The following USP34 variants were observed in gnomAD, a reference collection of about 807,000 sequenced individuals.
The protein encoded by USP34 is ubiquitin specific peptidase 34, also known as ubiquitin carboxyl-terminal hydrolase 34.
In USP34, 70 loss-of-function variants were observed where a neutral mutation model predicts 460.3. That is an observed-to-expected ratio of 0.15 (90% CI 0.13 to 0.19). The LOEUF (loss-of-function observed/expected upper bound fraction) is 0.19. Ranked by LOEUF, USP34 falls within the 10% of genes least tolerant of loss-of-function variation. The pLI, the probability that USP34 is intolerant of heterozygous loss-of-function variation, is 1.00. For missense variants in USP34, 3,985 were observed against 4,236.2 expected (o/e 0.94, Z 1.65); for synonymous variants, 1,647 against 1,405.3 (o/e 1.17, Z -3.85).
intron 34 of USP34, among the ~76,000 whole-genome samples, chr2:61,287,801 G>A (rs1037343522): frequency 6.6e-6 from 1 of 152,092 alleles, no homozygotes; most frequent in Non-Finnish European, 1.5e-5. Flanking sequence ...AAGTTCTAGG[G>A]GAGTCAAAAG....
chr2:61,198,872 T>C (rs571945439), intron 75 of USP34, among the ~76,000 whole-genome samples: 9 of 152,072 alleles, frequency 5.9e-5, no homozygotes, highest in South Asian at 2.1e-4. Context: ...CTGTCTCAAA[T>C]TGTTTGCTTT....
rs547690935 is a variant in USP34, at chr2:61,188,595, G to C, written c.10148C>G (p.Thr3383Arg). Residue 3383 changes from threonine (T) to arginine (R), a missense_variant, in exon 80 of 80, where the codon ACG becomes AGG. Thr to Arg is a moderately conservative substitution (Grantham distance 71, BLOSUM62 -1). Coordinates refer to ENST00000398571, the MANE Select transcript of USP34 (RefSeq NM_014709.4). ...KTETREVLTP[T>R]STSDNETRDS... is the part of the protein sequence containing the mutation. ...TCTGGTCTCATTGTCAGAAGTGCTC[G>C]TTGGGGTCAGGACCTCCCTGGTTTC... 2.5e-6 allele frequency: 4 copies of C among 1,614,136 alleles called. No individual in the cohort carries two copies. Among genetic ancestry groups the C allele is most frequent in the East Asian group, 2.2e-5 (1 of 44,888 alleles).
intron 2 of USP34, among the ~76,000 whole-genome samples, chr2:61,407,287 GAGGCTTGAGCCC>G (rs1693903151): frequency 6.6e-6 from 1 of 150,676 alleles, no homozygotes; most frequent in Non-Finnish European, 1.5e-5. Flanking sequence ...AGCTATTCGA[GAGGCTTGAGCCC>G]AGGAGGCTGA....
chr2:61,224,049 G>A (rs148365270), intron 62 of USP34, among the ~76,000 whole-genome samples: 1,532 of 152,116 alleles, frequency 0.01, 14 homozygotes, highest in South Asian at 0.027. Flanking sequence ...AAACAACCAC[G>A]GTACCATTAT....
intron 33 of USP34, among the ~76,000 whole-genome samples, chr2:61,291,728 T>C (rs983554992): frequency 6.6e-5 from 10 of 152,148 alleles, no homozygotes; most frequent in Admixed American, 2.0e-4. Flanking sequence ...CACTTAAGTA[T>C]TGGCAAGGTA....
At chr2:61,219,635 C>T (rs1162965900) in intron 67 of USP34, among the ~76,000 whole-genome samples, 2 of 148,202 alleles carry the variant, frequency 1.3e-5, no homozygotes, top group East Asian at 3.9e-4. Flanking sequence ...TGCACCACTG[C>T]ACTCCAGCCT....
chr2:61,333,725 A>T (rs1443658794), intron 19 of USP34, among the ~76,000 whole-genome samples, 157 bp downstream of exon 19: 1 of 152,124 alleles, frequency 6.6e-6, no homozygotes, highest in Non-Finnish European at 1.5e-5. Context: ...TATAATCTCT[A>T]CAGGGGTAAG....
intron 30 of USP34, 56 bp downstream of exon 30, chr2:61,296,744 T>C: frequency 6.4e-7 from 1 of 1,559,726 alleles, no homozygotes; most frequent in Non-Finnish European, 8.7e-7. Flanking sequence ...ACACTGTCAA[T>C]AGGAATGTAA....
At position 61,393,320 on chromosome 2, in the gene USP34, A is replaced by G. The variant is rs183094291; in HGVS notation, c.753+1533T>C. Among the ~76,000 whole-genome samples, 29 of 151,436 alleles carry G rather than the reference A, an allele frequency of 1.9e-4. No homozygotes were observed. The East Asian group carries it at 5.4e-3, about 28-fold the overall frequency. ...GTGGCATACGCCTGTAGTCCCAACTACTCGGGAGGCTGAGGCAGGAGAATC... is the reference window on the plus strand; with the variant it reads ...GTGGCATACGCCTGTAGTCCCAACTGCTCGGGAGGCTGAGGCAGGAGAATC... On this transcript the variant is annotated intron_variant, in intron 5 of 79. Transcript: ENST00000398571.
chr2:61,190,929 A>T (rs1395874162), intron 76 of USP34: 1 of 308,560 alleles, frequency 3.2e-6, no homozygotes, highest in African/African-American at 2.2e-5. Flanking sequence ...AAAGAAATGC[A>T]GGTTTATTAT....
chr2:61,355,922 C>T lies in USP34; in HGVS notation c.1252-5229G>A, dbSNP rs868088899. On this transcript the variant is annotated intron_variant, in intron 10 of 79. Coordinates refer to ENST00000398571, the MANE Select transcript of USP34 (RefSeq NM_014709.4). ...TGAAAGGACAGAAAAAGATATTCCACGCAAATAGCAAGCAAAAGCTAGCTG... is the reference window on the plus strand; with the variant it reads ...TGAAAGGACAGAAAAAGATATTCCATGCAAATAGCAAGCAAAAGCTAGCTG... Among the ~76,000 whole-genome samples the T allele has an allele frequency of 9.2e-5, 14 of 152,128 alleles. 1 individual carries two copies. Among genetic ancestry groups the T allele is most frequent in the South Asian group, 4.1e-4 (2 of 4,822 alleles).
At chr2:61,259,999 G>A (rs576766069) in intron 43 of USP34, among the ~76,000 whole-genome samples, 19 of 152,244 alleles carry the variant, frequency 1.2e-4, no homozygotes, top group African/African-American at 3.6e-4. Context: ...GGAAACCGAA[G>A]AGAGAATTTT....
chr2:61,248,783 G>A (rs1688490818), intron 48 of USP34, 100 bp from the exon 49 acceptor site: 1 of 1,166,046 alleles, frequency 8.6e-7, no homozygotes, highest in African/African-American at 1.6e-5. Flanking sequence ...TCAACTCAGA[G>A]TTAAGAAGTA....
chr2:61,363,595 T>C (rs1478386174), intron 10 of USP34, among the ~76,000 whole-genome samples: 1 of 152,170 alleles, frequency 6.6e-6, no homozygotes, highest in African/African-American at 2.4e-5. Flanking sequence ...GTTATCACAA[T>C]GTCATGAGGT....
Position 61,206,884 on chromosome 2 carries a change from A to T in USP34, c.8922T>A (p.Ser2974=), listed in dbSNP as rs868488387. ...GATACATCATGTGCAAAGTGTTGAA[A>T]GACTACAAATGATTTGAAAAAATTG... ...FNRGLILMTE[S]FNTLHMMYHE... Residue 2974 remains serine, a splice_region_variant and synonymous_variant, in exon 71 of 80, where the codon TCT becomes TCA. Coordinates refer to ENST00000398571, the MANE Select transcript of USP34 (RefSeq NM_014709.4). The T allele has an allele frequency of 1.2e-6, 2 of 1,604,740 alleles. No individual in the cohort carries two copies. Among genetic ancestry groups the T allele is most frequent in the Middle Eastern group, 3.3e-4 (2 of 6,016 alleles).
intron 8 of USP34, among the ~76,000 whole-genome samples, chr2:61,377,653 G>A (rs1040979272): frequency 3.3e-5 from 5 of 152,094 alleles, no homozygotes; most frequent in Admixed American, 6.6e-5. Flanking sequence ...AGAACTTGAC[G>A]ATGCTGCCAA....
intron 58 of USP34, 96 bp from the exon 59 acceptor site, chr2:61,229,729 T>C (rs956989760): frequency 2.8e-5 from 29 of 1,043,746 alleles, no homozygotes; most frequent in Non-Finnish European, 3.3e-5. Context: ...CACCCATTTA[T>C]AGTTTGCACA....
At chr2:61,436,526 G>T (rs773408618) in intron 1 of USP34, among the ~76,000 whole-genome samples, 1 of 152,208 alleles carries the variant, frequency 6.6e-6, no homozygotes, top group East Asian at 1.9e-4. Flanking sequence ...AAATACACAC[G>T]CAACCAACAC....
intron 51 of USP34, 34 bp from the exon 52 acceptor site, chr2:61,241,853 A>G (rs759889297): frequency 2.6e-6 from 3 of 1,163,962 alleles, no homozygotes; most frequent in Non-Finnish European, 3.6e-6. Flanking sequence ...ACTTCTTTGA[A>G]AAAATGGGTA....
Sources: allele counts gnomAD v4.1 joint callset (sites outside exome capture counted in the v4.1 genomes callset), GRCh38; gene constraint gnomAD v4.1.1; transcripts MANE v1.5; gene names NCBI Gene and HGNC (gene_info 2026-07-23, HGNC 2026-07-21).